Variants in PTPRM observed in about 807,000 individuals in gnomAD.
PTPRM encodes receptor-type tyrosine-protein phosphatase mu.
PTPRM carries 47 observed loss-of-function variants against 186.7 expected under a neutral mutation model. The ratio of observed to expected loss-of-function variants is 0.25; its 90% CI spans 0.20 to 0.32. The LOEUF (loss-of-function observed/expected upper bound fraction) is 0.32, where lower values mean the gene tolerates loss of function less well. Among genes scored for constraint, PTPRM ranks in the 10% least tolerant of loss-of-function variants. The pLI is 1.00. For synonymous variants in PTPRM, 668 were observed against 674.9 expected (o/e 0.99, Z 0.16); for missense variants, 1,494 against 1,865.0 (o/e 0.80, Z 3.66).
At chr18:8,143,519 A>C (rs2092811314) in intron 13 of PTPRM, 128 bp from the exon 14 acceptor site, 1 of 969,354 alleles carries the variant, frequency 1.0e-6, no homozygotes, top group East Asian at 2.6e-5. Context: ...TAAAAAATCA[A>C]AGCTTGTCTG....
At chr18:8,206,263 A>ATTTTTTTTTTTTT (rs1211708621) in intron 14 of PTPRM, among the ~76,000 whole-genome samples, 1 of 147,118 alleles carries the variant, frequency 6.8e-6, no homozygotes, top group African/African-American at 2.7e-5. Context: ...ATTTTATTTT[A>ATTTTTTTTTTTTT]TTTTATTTTG....
At chr18:7,808,339 C>T (rs544019419) in intron 2 of PTPRM, among the ~76,000 whole-genome samples, 2 of 152,140 alleles carry the variant, frequency 1.3e-5, no homozygotes, top group South Asian at 2.1e-4. Context: ...TCTAGGAGGC[C>T]CCCCTCCATC....
chr18:8,014,947 T>C (rs2084766148), intron 7 of PTPRM, among the ~76,000 whole-genome samples: 1 of 152,120 alleles, frequency 6.6e-6, no homozygotes, highest in Non-Finnish European at 1.5e-5. Flanking sequence ...GAGAAAATGG[T>C]TGTTCATCTC....
chr18:8,165,046 G>A (rs1018878935), intron 14 of PTPRM, among the ~76,000 whole-genome samples: 5 of 151,882 alleles, frequency 3.3e-5, no homozygotes, highest in African/African-American at 9.7e-5. Flanking sequence ...GCACACACCT[G>A]TAATCCCAGC....
chr18:8,332,345 A>G (rs2095416485), intron 22 of PTPRM, among the ~76,000 whole-genome samples: 2 of 152,174 alleles, frequency 1.3e-5, no homozygotes, highest in South Asian at 4.1e-4. Context: ...CCTGTCCGTT[A>G]ATGTTTGGTT....
intron 4 of PTPRM, among the ~76,000 whole-genome samples, chr18:7,920,216 C>T (rs1310299898): frequency 6.6e-6 from 1 of 152,098 alleles, no homozygotes; most frequent in African/African-American, 2.4e-5. Flanking sequence ...TAAAGACTTA[C>T]TACTGCCATT....
intron 1 of PTPRM, among the ~76,000 whole-genome samples, chr18:7,645,007 T>C (rs1288993814): frequency 2.0e-5 from 3 of 152,142 alleles, no homozygotes; most frequent in African/African-American, 7.2e-5. Context: ...GCTTCATAGA[T>C]TTCATTTCAG....
chr18:8,030,073 G>A (rs968171820), intron 7 of PTPRM, among the ~76,000 whole-genome samples: 6 of 152,180 alleles, frequency 3.9e-5, no homozygotes, highest in South Asian at 2.1e-4. Context: ...TTTAAAAAGC[G>A]CACACAAGTC....
At chr18:8,116,159 G>A (rs1162892152) in intron 13 of PTPRM, among the ~76,000 whole-genome samples, 2 of 152,130 alleles carry the variant, frequency 1.3e-5, no homozygotes, top group African/African-American at 2.4e-5. Flanking sequence ...GGTATCCATT[G>A]ATGCTCTTAG....
At chr18:8,018,247 A>G (rs2084997674) in intron 7 of PTPRM, among the ~76,000 whole-genome samples, 1 of 152,172 alleles carries the variant, frequency 6.6e-6, no homozygotes, top group Admixed American at 6.5e-5. Context: ...GTGCCTGTGA[A>G]TAGCCACAGC....
At chr18:8,166,716 G>A (rs1254611602) in intron 14 of PTPRM, among the ~76,000 whole-genome samples, 4 of 152,142 alleles carry the variant, frequency 2.6e-5, no homozygotes, top group Non-Finnish European at 4.4e-5. Context: ...TAATGACTCT[G>A]TAGCACATAT....
chr18:7,682,722 C>G (rs2039506721), intron 1 of PTPRM, among the ~76,000 whole-genome samples: 1 of 152,166 alleles, frequency 6.6e-6, no homozygotes, highest in Non-Finnish European at 1.5e-5. Context: ...TGTAAGAAAT[C>G]ACAAACATTT....
At chr18:8,362,225 G>A (rs1375878461) in intron 23 of PTPRM, among the ~76,000 whole-genome samples, 2 of 152,148 alleles carry the variant, frequency 1.3e-5, no homozygotes, top group Non-Finnish European at 2.9e-5. Context: ...CACATCCCTT[G>A]TCGCAATTAG....
chr18:7,833,094 C>T (rs2045843936), intron 2 of PTPRM, among the ~76,000 whole-genome samples: 1 of 151,894 alleles, frequency 6.6e-6, no homozygotes, highest in East Asian at 1.9e-4. Flanking sequence ...ATAGCTTTGA[C>T]TATTCTGGGT....
chr18:7,706,829 A>G (rs1332089282), intron 1 of PTPRM, among the ~76,000 whole-genome samples: 1 of 152,082 alleles, frequency 6.6e-6, no homozygotes, highest in East Asian at 1.9e-4. Context: ...TTTTGAGAGT[A>G]TTAGCAGTGA....
intron 19 of PTPRM, among the ~76,000 whole-genome samples, chr18:8,294,083 T>C (rs2095069296): frequency 6.6e-6 from 1 of 152,112 alleles, no homozygotes; most frequent in African/African-American, 2.4e-5. Context: ...AAACCCCATC[T>C]GTACTAAAAA....
intron 14 of PTPRM, among the ~76,000 whole-genome samples, chr18:8,156,489 G>A (rs898734745): frequency 1.3e-5 from 2 of 152,116 alleles, no homozygotes; most frequent in South Asian, 2.1e-4. Context: ...TAGGGGATGC[G>A]GTAAAAATTA....
chr18:7,759,190 C>T (rs1243730244), intron 1 of PTPRM, among the ~76,000 whole-genome samples: 2 of 152,192 alleles, frequency 1.3e-5, no homozygotes, highest in South Asian at 2.1e-4. Flanking sequence ...AATATTCCAT[C>T]GATGCACAAG....
At chr18:7,824,766 C>A (rs1484190508) in intron 2 of PTPRM, among the ~76,000 whole-genome samples, 2 of 152,092 alleles carry the variant, frequency 1.3e-5, no homozygotes, top group African/African-American at 4.8e-5. Flanking sequence ...AACGAGAAAG[C>A]CCTCATCATC....
Sources: allele counts gnomAD v4.1 joint callset (sites outside exome capture counted in the v4.1 genomes callset), GRCh38; gene constraint gnomAD v4.1.1; transcripts MANE v1.5; gene names NCBI Gene and HGNC (gene_info 2026-07-23, HGNC 2026-07-21).